CTDSPL2: variants seen among roughly 807,000 people sequenced by gnomAD.
CTDSPL2 encodes CTD small phosphatase like 2.
Under a neutral mutation model 60.0 loss-of-function variants are expected in CTDSPL2, and 5 were observed. The observed-to-expected ratio is 0.08, with a 90% CI of 0.04 to 0.18. The LOEUF is 0.18. Among genes scored for constraint, CTDSPL2 ranks in the 10% least tolerant of loss-of-function variants. CTDSPL2 has a pLI of 1.00. For missense variants in CTDSPL2, 370 were observed against 548.8 expected, an observed-to-expected ratio of 0.67 and a Z score of 3.26; for synonymous variants, 186 against 189.3, an observed-to-expected ratio of 0.98 and a Z score of 0.14.
At chr15:44,429,587 G>T (rs1031466874) in intron 1 of CTDSPL2, among the ~76,000 whole-genome samples, 1 of 152,188 alleles carries the variant, frequency 6.6e-6, no homozygotes, top group Admixed American at 6.6e-5. Context: ...GTATAAGCTG[G>T]CTGGGTGGGG....
chr15:44,483,529 ACT>A (rs1040518626), intron 2 of CTDSPL2, among the ~76,000 whole-genome samples: 22 of 151,578 alleles, frequency 1.5e-4, no homozygotes, highest in African/African-American at 4.8e-4. Flanking sequence ...CAGAGGAAAA[ACT>A]CTGTCTCAAA....
At chr15:44,462,433 G>C (rs1415463361) in intron 2 of CTDSPL2, among the ~76,000 whole-genome samples, 1 of 152,108 alleles carries the variant, frequency 6.6e-6, no homozygotes, top group South Asian at 2.1e-4. Flanking sequence ...ATGGTTTGGG[G>C]ATGAAATTGA....
chr15:44,459,558 C>T (rs958885312), intron 2 of CTDSPL2, among the ~76,000 whole-genome samples: 1 of 152,078 alleles, frequency 6.6e-6, no homozygotes, highest in Non-Finnish European at 1.5e-5. Flanking sequence ...GATATTTTCT[C>T]TAAGCATGTG....
intron 8 of CTDSPL2, among the ~76,000 whole-genome samples, chr15:44,506,520 C>T (rs1278662671): frequency 1.3e-5 from 2 of 149,986 alleles, no homozygotes; most frequent in African/African-American, 2.5e-5. Context: ...AGGCTCAAAC[C>T]GTCTTCTCAC....
intron 1 of CTDSPL2, among the ~76,000 whole-genome samples, chr15:44,431,438 C>T (rs534938159): frequency 8.5e-5 from 13 of 152,252 alleles, no homozygotes; most frequent in African/African-American, 2.9e-4. Flanking sequence ...TGTAATTGGA[C>T]GTGCATTACA....
intron 1 of CTDSPL2, among the ~76,000 whole-genome samples, chr15:44,449,609 G>A (rs1342931813): frequency 1.3e-5 from 2 of 152,146 alleles, no homozygotes; most frequent in Non-Finnish European, 2.9e-5. Flanking sequence ...GTGATTAGAG[G>A]TGTGAGCCAC....
intron 8 of CTDSPL2, among the ~76,000 whole-genome samples, chr15:44,507,753 G>T (rs2081494877): frequency 6.6e-6 from 1 of 152,200 alleles, no homozygotes; most frequent in Non-Finnish European, 1.5e-5. Context: ...TTGGAATTGA[G>T]GTTGCCCAGT....
intron 1 of CTDSPL2, among the ~76,000 whole-genome samples, chr15:44,435,369 A>G (rs924569107): frequency 4.6e-5 from 7 of 152,070 alleles, no homozygotes; most frequent in African/African-American, 1.7e-4. Context: ...CAGGAGTTCA[A>G]GACCAGCTTG....
At chr15:44,442,105 C>G (rs145429476) in intron 1 of CTDSPL2, among the ~76,000 whole-genome samples, 8 of 152,148 alleles carry the variant, frequency 5.3e-5, no homozygotes, top group Non-Finnish European at 1.2e-4. Flanking sequence ...CCAGTCTCCT[C>G]TCAACCTTGC....
chr15:44,508,096 T>C (rs1382643842), intron 8 of CTDSPL2, among the ~76,000 whole-genome samples: 1 of 151,992 alleles, frequency 6.6e-6, no homozygotes, highest in African/African-American at 2.4e-5. Flanking sequence ...TTCTTTTTTT[T>C]TTTGGAGACA....
At chr15:44,484,406 G>T in intron 3 of CTDSPL2, 44 bp downstream of exon 3, 3 of 1,540,508 alleles carry the variant, frequency 1.9e-6, no homozygotes, top group Non-Finnish European at 2.7e-6. Flanking sequence ...TGTAAGCAGA[G>T]ATCTCACCTG....
Position 44,463,536 on chromosome 15 carries a change from A to G in CTDSPL2, c.186+4336A>G, listed in dbSNP as rs1185347089. Among the ~76,000 whole-genome samples the G allele has an allele frequency of 2.0e-5, 3 of 152,254 alleles. No homozygotes were observed. The East Asian group carries it at 5.8e-4, about 29-fold the overall frequency. ...TAACTGAACTCAGATTTTAAAAATC[A>G]TATTCTATAAGATTATTATTGAAAT... On this transcript the variant is annotated intron_variant, in intron 2 of 12. Coordinates refer to ENST00000260327, the MANE Select transcript of CTDSPL2 (RefSeq NM_016396.3).
At chr15:44,499,905 A>T in intron 8 of CTDSPL2, 92 bp downstream of exon 8, 2 of 697,862 alleles carry the variant, frequency 2.9e-6, no homozygotes, top group Non-Finnish European at 5.1e-6. Flanking sequence ...TGTGACATTA[A>T]ATGTGTTTTT....
chr15:44,473,584 T>G (rs1485702096), intron 2 of CTDSPL2, among the ~76,000 whole-genome samples: 1 of 152,124 alleles, frequency 6.6e-6, no homozygotes, highest in African/African-American at 2.4e-5. Context: ...CGTGAACCAC[T>G]GCGCCCAGCC....
intron 1 of CTDSPL2, among the ~76,000 whole-genome samples, chr15:44,454,317 C>T (rs557478848): frequency 2.0e-5 from 3 of 152,036 alleles, no homozygotes; most frequent in East Asian, 1.9e-4. Flanking sequence ...TTGTAGATTC[C>T]AGATATTAGC....
chr15:44,434,238 A>G (rs2079926718), intron 1 of CTDSPL2, among the ~76,000 whole-genome samples: 1 of 151,992 alleles, frequency 6.6e-6, no homozygotes, highest in African/African-American at 2.4e-5. Context: ...CATCTCTACT[A>G]AAAATACAAA....
At chr15:44,476,307 C>A (rs560471536) in intron 2 of CTDSPL2, among the ~76,000 whole-genome samples, 38 of 152,230 alleles carry the variant, frequency 2.5e-4, no homozygotes, top group African/African-American at 8.9e-4. Context: ...ACCTCATGAT[C>A]CGCCCGCCCT....
chr15:44,428,166 T>C (rs2079785298), intron 1 of CTDSPL2: 1 of 152,952 alleles, frequency 6.5e-6, no homozygotes, highest in Non-Finnish European at 1.5e-5. Context: ...TTTCATTCTT[T>C]GGAGTAGGGT....
At chr15:44,497,211 C>A in intron 7 of CTDSPL2, 73 bp downstream of exon 7, 1 of 869,708 alleles carries the variant, frequency 1.1e-6, no homozygotes, top group Non-Finnish European at 1.8e-6. Context: ...CTTATGTTAG[C>A]TTTCCCTTTT....
Sources: allele counts gnomAD v4.1 joint callset (sites outside exome capture counted in the v4.1 genomes callset), GRCh38; gene constraint gnomAD v4.1.1; transcripts MANE v1.5; gene names NCBI Gene and HGNC (gene_info 2026-07-23, HGNC 2026-07-21).